Variants in PRKCB observed in about 807,000 individuals in gnomAD.
PRKCB encodes protein kinase C beta type.
PRKCB carries 13 observed loss-of-function variants against 81.5 expected under a neutral mutation model. The observed-to-expected ratio is 0.16, with a 90% CI of 0.10 to 0.25. The LOEUF is 0.25. Among genes scored for constraint, PRKCB ranks in the 10% least tolerant of loss-of-function variants. The probability of loss-of-function intolerance (pLI) is 1.00; values close to 1 mark genes in which losing one functional copy is unlikely to be tolerated. For missense variants in PRKCB, 509 were observed against 875.7 expected (o/e 0.58, Z 5.29); for synonymous variants, 335 against 321.4 (o/e 1.04, Z -0.45).
intron 5 of PRKCB, among the ~76,000 whole-genome samples, chr16:24,059,020 CAT>C (rs1965940303): frequency 6.6e-6 from 1 of 152,108 alleles, no homozygotes; most frequent in Non-Finnish European, 1.5e-5. Flanking sequence ...CTCAGGAAGA[CAT>C]GTGGATAGTG....
intron 2 of PRKCB, among the ~76,000 whole-genome samples, chr16:23,983,337 A>G (rs562220326): frequency 2.6e-5 from 4 of 152,198 alleles, no homozygotes; most frequent in Admixed American, 6.5e-5. Flanking sequence ...GAGGTTTTTC[A>G]AAGTCTGTTC....
intron 3 of PRKCB, among the ~76,000 whole-genome samples, chr16:24,031,544 T>G (rs1965551589): frequency 6.6e-6 from 1 of 152,214 alleles, no homozygotes; most frequent in Admixed American, 6.5e-5. Flanking sequence ...TGGATAGCCA[T>G]GCTCTCTGCT....
intron 2 of PRKCB, among the ~76,000 whole-genome samples, chr16:23,952,391 C>A (rs143874809): frequency 1.3e-5 from 2 of 152,074 alleles, no homozygotes; most frequent in Non-Finnish European, 1.5e-5. Flanking sequence ...GCATATTCTG[C>A]GTATGTGTGA....
At chr16:23,932,744 TC>T (rs1963997030) in intron 2 of PRKCB, among the ~76,000 whole-genome samples, 1 of 152,204 alleles carries the variant, frequency 6.6e-6, no homozygotes, top group African/African-American at 2.4e-5. Flanking sequence ...TTCCTGACAA[TC>T]CTGCATTGAA....
Position 24,214,874 on chromosome 16 carries a change from G to A in PRKCB, c.*58G>A. ...TCATTCAAGCTCAACGGCTATTGTGGTGACATTTTTATGTTTTTCATTGCC... is the reference window on the plus strand; with the variant it reads ...TCATTCAAGCTCAACGGCTATTGTGATGACATTTTTATGTTTTTCATTGCC... On this transcript the variant is annotated 3_prime_UTR_variant, in exon 17 of 17. Transcript: ENST00000643927. 6.3e-7 allele frequency: 1 copy of A among 1,587,250 alleles called. No individual in the cohort carries two copies. Among genetic ancestry groups the A allele is most frequent in the Non-Finnish European group, 8.6e-7 (1 of 1,166,066 alleles).
chr16:24,158,606 G>A (rs1324493191), intron 10 of PRKCB, among the ~76,000 whole-genome samples: 4 of 146,466 alleles, frequency 2.7e-5, no homozygotes, highest in Admixed American at 7.0e-5. Flanking sequence ...GTGTGTGTAT[G>A]TGTGTGTGTG....
At chr16:24,032,862 C>A (rs1427070544) in intron 4 of PRKCB, among the ~76,000 whole-genome samples, 1 of 152,228 alleles carries the variant, frequency 6.6e-6, no homozygotes, top group Admixed American at 6.5e-5. Context: ...CACCCAGAGG[C>A]ATGAACAAAT....
At chr16:24,177,539 A>G (rs1205200848) in intron 12 of PRKCB, among the ~76,000 whole-genome samples, 2 of 152,228 alleles carry the variant, frequency 1.3e-5, no homozygotes, top group African/African-American at 4.8e-5. Context: ...GGGCAGGCAC[A>G]CAACCCAAGC....
intron 3 of PRKCB, among the ~76,000 whole-genome samples, chr16:24,013,400 T>A (rs997951577): frequency 1.3e-5 from 2 of 152,208 alleles, no homozygotes; most frequent in African/African-American, 4.8e-5. Context: ...AGATTCTGGA[T>A]AAAAATGAAT....
At chr16:24,164,320 G>A (rs544596860) in intron 10 of PRKCB, among the ~76,000 whole-genome samples, 4 of 152,030 alleles carry the variant, frequency 2.6e-5, no homozygotes, top group African/African-American at 9.7e-5. Context: ...TTCCAAATTT[G>A]GGAAATTCTA....
intron 7 of PRKCB, among the ~76,000 whole-genome samples, chr16:24,106,531 A>G (rs1966581695): frequency 6.6e-6 from 1 of 152,236 alleles, no homozygotes; most frequent in African/African-American, 2.4e-5. Context: ...CGCAATAAAC[A>G]TAATTGTGGC....
chr16:24,195,207 A>G (rs375904983), intron 16 of PRKCB, among the ~76,000 whole-genome samples: 1 of 151,352 alleles, frequency 6.6e-6, no homozygotes, highest in African/African-American at 2.4e-5. Context: ...TCTCAGAAAA[A>G]AAAAAAAAGA....
chr16:24,185,779 C>T (rs1353703340), intron 15 of PRKCB, among the ~76,000 whole-genome samples: 2 of 152,190 alleles, frequency 1.3e-5, no homozygotes, highest in East Asian at 3.9e-4. Flanking sequence ...AGAGAGCTGC[C>T]TGCAGCTGCG....
intron 9 of PRKCB, among the ~76,000 whole-genome samples, chr16:24,149,370 A>G (rs1211560355): frequency 6.6e-6 from 1 of 152,188 alleles, no homozygotes; most frequent in Non-Finnish European, 1.5e-5. Flanking sequence ...ACTCCAAGAG[A>G]GGACAGAGAG....
chr16:24,218,700 G>A lies in PRKCB; in HGVS notation c.*3884G>A. On this transcript the variant is annotated 3_prime_UTR_variant, in exon 17 of 17. Transcript: ENST00000643927. ...ATTAGGGGGCTAAACCTAAAGCCTG[G>A]GTGGTGATGGCTCAAACGCTAATGA... is the stretch of plus-strand genomic sequence containing the variant. The A allele has an allele frequency of 1.0e-6, 1 of 985,454 alleles. No individual in the cohort carries two copies. The highest frequency in any genetic ancestry group is 1.2e-6 in the Non-Finnish European group (1 of 829,966). The allele number at this position is 985,454 out of a possible 1,614,324, so 61.0% of individuals were successfully genotyped here.
Position 23,899,238 on chromosome 16 carries a change from G to A in PRKCB, c.205+61832G>A, listed in dbSNP as rs79811225. Reference sequence around the variant, plus strand: ...CCACAGCTTGGCTTTCAGGCAGCAGGCACATTGGGATCAGTGATTGGCATT... The same window carrying A: ...CCACAGCTTGGCTTTCAGGCAGCAGACACATTGGGATCAGTGATTGGCATT... On this transcript the variant is annotated intron_variant, in intron 2 of 16. Transcript: ENST00000643927. Among the ~76,000 whole-genome samples the A allele has an allele frequency of 8.0e-3, 1,221 of 152,298 alleles. 16 individuals carry two copies. Among genetic ancestry groups the A allele is most frequent in the African/African-American group, 0.027 (1,139 of 41,546 alleles).
intron 5 of PRKCB, among the ~76,000 whole-genome samples, chr16:24,077,335 G>A (rs897839642): frequency 1.3e-5 from 2 of 151,890 alleles, no homozygotes; most frequent in Non-Finnish European, 2.9e-5. Flanking sequence ...AGCTAGTTAA[G>A]ACCCATTACT....
At chr16:23,871,774 C>T (rs1444351890) in intron 2 of PRKCB, among the ~76,000 whole-genome samples, 1 of 151,336 alleles carries the variant, frequency 6.6e-6, no homozygotes, top group African/African-American at 2.4e-5. Context: ...GACAGGGTTT[C>T]ATCATGTTGG....
chr16:24,134,969 A>G (rs997003990), intron 9 of PRKCB, among the ~76,000 whole-genome samples: 1 of 152,124 alleles, frequency 6.6e-6, no homozygotes, highest in East Asian at 1.9e-4. Context: ...TCCATGAAAA[A>G]AAAAGCAAAA....
Sources: allele counts gnomAD v4.1 joint callset (sites outside exome capture counted in the v4.1 genomes callset), GRCh38; gene constraint gnomAD v4.1.1; transcripts MANE v1.5; gene names NCBI Gene and HGNC (gene_info 2026-07-23, HGNC 2026-07-21).